Variants in ADGRV1 observed in about 807,000 individuals in gnomAD.
The protein encoded by ADGRV1 is adhesion G protein-coupled receptor V1.
In ADGRV1, 359 loss-of-function variants were observed where a neutral mutation model predicts 596.2. That is an observed-to-expected ratio of 0.60 (90% CI 0.55 to 0.66). The LOEUF is 0.66. Among genes scored for constraint, ADGRV1 ranks in the 30% least tolerant of loss-of-function variants. The probability of loss-of-function intolerance (pLI) is 0.00; values close to 1 mark genes in which losing one functional copy is unlikely to be tolerated. For missense variants in ADGRV1, 7,274 were observed against 7,575.6 expected, an observed-to-expected ratio of 0.96 and a Z score of 1.48; for synonymous variants, 2,681 against 2,679.2, an observed-to-expected ratio of 1.00 and a Z score of -0.02.
chr5:90,637,997 C>A (rs778326602), intron 11 of ADGRV1, 49 bp downstream of exon 11: 1 of 1,288,736 alleles, frequency 7.8e-7, no homozygotes, highest in Admixed American at 2.3e-5. Context: ...TTTGAGTTCT[C>A]TTCAATAACT....
rs546169400 is a variant in ADGRV1, at chr5:90,801,093, G to A, written c.14518-1646G>A. The stretch of plus-strand genomic sequence containing the variant: ...ATAATAATAAAAATAAAGAACGAAT[G>A]ATAGGCAGTATAGAAAATGGTATTG... On this transcript the variant is annotated intron_variant, in intron 70 of 89. Coordinates refer to ENST00000405460, the MANE Select transcript of ADGRV1 (RefSeq NM_032119.4). 1.8e-3 allele frequency among the ~76,000 whole-genome samples: 270 copies of A among 152,056 alleles called. 1 individual carries two copies. Among genetic ancestry groups the A allele is most frequent in the African/African-American group, 6.2e-3 (257 of 41,546 alleles).
chr5:90,858,951 T>G (rs1200278200), intron 82 of ADGRV1, among the ~76,000 whole-genome samples: 1 of 152,166 alleles, frequency 6.6e-6, no homozygotes, highest in African/African-American at 2.4e-5. Context: ...CCACCCAAAA[T>G]GTTTTCCCTT....
intron 87 of ADGRV1, among the ~76,000 whole-genome samples, chr5:91,146,876 T>C (rs1226249597): frequency 1.3e-5 from 2 of 152,148 alleles, no homozygotes; most frequent in African/African-American, 2.4e-5. Flanking sequence ...AGAAAAGAAT[T>C]TGAAGCTGGG....
At chr5:91,066,178 C>G (rs1218091206) in intron 85 of ADGRV1, among the ~76,000 whole-genome samples, 1 of 152,224 alleles carries the variant, frequency 6.6e-6, no homozygotes, top group Non-Finnish European at 1.5e-5. Context: ...TCAGCTACTT[C>G]CACAGCCCTG....
chr5:90,911,179 C>A (rs1278873323), intron 83 of ADGRV1, among the ~76,000 whole-genome samples: 1 of 152,184 alleles, frequency 6.6e-6, no homozygotes, highest in African/African-American at 2.4e-5. Context: ...GTAATTATGG[C>A]TGTAAAATCT....
At position 91,007,622 on chromosome 5, in the gene ADGRV1, T is replaced by G. The variant is rs569006915; in HGVS notation, c.18152+22100T>G. ...TTAGTATTTTGATGTACTGAAAGAC[T>G]TCCCCCTACCTTGCAGAGAGGTTGA... On this transcript the variant is annotated intron_variant, in intron 85 of 89. Coordinates refer to ENST00000405460, the MANE Select transcript of ADGRV1 (RefSeq NM_032119.4). Among the ~76,000 whole-genome samples, 3 of 152,290 alleles carry G rather than the reference T, an allele frequency of 2.0e-5. No homozygotes were observed. The East Asian group carries it at 5.8e-4, about 29-fold the overall frequency.
At chr5:90,805,094 A>T (rs990265287) in intron 71 of ADGRV1, 190 bp from the exon 72 acceptor site, 1 of 404,466 alleles carries the variant, frequency 2.5e-6, no homozygotes, top group Non-Finnish European at 4.3e-6. Flanking sequence ...GCTATCAACT[A>T]TAACCTAAAT....
rs1295926041 is a variant in ADGRV1, at chr5:90,810,789, G to A, written c.15529G>A (p.Ala5177Thr). 1.2e-6 allele frequency: 2 copies of A among 1,613,836 alleles called. No individual in the cohort carries two copies. The highest frequency in any genetic ancestry group is 2.2e-5 in the East Asian group (1 of 44,888). The change falls in exon 74 of 90, where the codon GCC becomes ACC. Residue 5177 changes from alanine (A) to threonine (T), a missense_variant. By Grantham distance (58) the Ala-to-Thr change is moderately conservative. Around this residue, in one of 5 missense-constraint regions of ADGRV1, gnomAD observed 1,874 missense variants for 1,970.2 expected, o/e 0.95. Coordinates refer to ENST00000405460, the MANE Select transcript of ADGRV1 (RefSeq NM_032119.4). ...CATTCTGCAGCCAACCAACGTGGTTGCCATTGTTACTGAGGCAACTGGTGT... is the reference window on the plus strand; with the variant it reads ...CATTCTGCAGCCAACCAACGTGGTTACCATTGTTACTGAGGCAACTGGTGT... Reference protein sequence around the residue: ...TTILQPTNVVAIVTEATGVSA... With the variant: ...TTILQPTNVVTIVTEATGVSA...
At chr5:90,657,566 A>C (rs921723532) in intron 20 of ADGRV1, among the ~76,000 whole-genome samples, 1 of 152,152 alleles carries the variant, frequency 6.6e-6, no homozygotes, top group Non-Finnish European at 1.5e-5. Context: ...ACATACATAC[A>C]TGCATACGTG....
chr5:90,915,113 A>G (rs1773230323), intron 83 of ADGRV1, among the ~76,000 whole-genome samples: 1 of 152,202 alleles, frequency 6.6e-6, no homozygotes, highest in Non-Finnish European at 1.5e-5. Flanking sequence ...AAACTTTTAA[A>G]AAATGTTCAG....
At chr5:90,862,405 C>T (rs1268700758) in intron 82 of ADGRV1, among the ~76,000 whole-genome samples, 2 of 152,122 alleles carry the variant, frequency 1.3e-5, no homozygotes, top group Admixed American at 6.6e-5. Flanking sequence ...CATACATGCA[C>T]AGGCATGCAC....
intron 17 of ADGRV1, among the ~76,000 whole-genome samples, chr5:90,650,309 G>A (rs1768403259): frequency 6.6e-6 from 1 of 152,168 alleles, no homozygotes; most frequent in Admixed American, 6.5e-5. Context: ...GCACCACTGG[G>A]ACATGTTTCA....
At position 90,658,076 on chromosome 5, in the gene ADGRV1, G is replaced by T. The variant is rs756555904; in HGVS notation, c.4550G>T (p.Arg1517Ile). Residue 1517 changes from arginine to isoleucine, a missense_variant, in exon 21 of 90, where the codon AGA (arginine) becomes ATA (isoleucine). This residue lies in a region of ADGRV1 where 3,643 missense variants were observed against 3,809.2 expected (regional missense o/e 0.96). Coordinates refer to ENST00000405460, the MANE Select transcript of ADGRV1 (RefSeq NM_032119.4). ...CCAATTTCTGGATATCTGGAGTTCAGACAGGGAGAAACTAACAAATCATTC... is the reference window on the plus strand; with the variant it reads ...CCAATTTCTGGATATCTGGAGTTCATACAGGGAGAAACTAACAAATCATTC... ...LHPISGYLEFRQGETNKSFII... is the reference protein window; with the variant it reads ...LHPISGYLEFIQGETNKSFII... 6 of 1,613,928 alleles carry T rather than the reference G, an allele frequency of 3.7e-6. No individual in the cohort carries two copies. The Admixed American group carries it at 1.0e-4, about 27-fold the overall frequency.
Position 91,089,876 on chromosome 5 carries a change from G to A in ADGRV1, c.18311-12343G>A, listed in dbSNP as rs186640264. Among the ~76,000 whole-genome samples the A allele has an allele frequency of 1.5e-3, 224 of 152,304 alleles. 2 individuals are homozygous for A. The highest frequency in any genetic ancestry group is 5.2e-3 in the African/African-American group (217 of 41,576). ...ATTTTCATTGTATTACAAAAGTTAA[G>A]TGTGTTGGAAAATTGCTGTTAGCTG... On this transcript the variant is annotated intron_variant, in intron 86 of 89. Coordinates refer to ENST00000405460, the MANE Select transcript of ADGRV1 (RefSeq NM_032119.4).
chr5:91,152,957 C>T (rs1327623822), intron 88 of ADGRV1, among the ~76,000 whole-genome samples: 1 of 152,116 alleles, frequency 6.6e-6, no homozygotes, highest in Non-Finnish European at 1.5e-5. Context: ...GTGGTTCACA[C>T]CCATAATCAC....
At chr5:90,784,779 CA>C (rs1759244104) in intron 67 of ADGRV1, among the ~76,000 whole-genome samples, 1 of 152,058 alleles carries the variant, frequency 6.6e-6, no homozygotes, top group African/African-American at 2.4e-5. Flanking sequence ...AGGACACAAA[CA>C]AATGGAAGAA....
rs1355767946 is a variant in ADGRV1, at chr5:90,711,196, T to C, written c.8916T>C (p.Asn2972=). The C allele has an allele frequency of 1.2e-6, 2 of 1,611,774 alleles. No homozygotes were observed. Among genetic ancestry groups the C allele is most frequent in the Non-Finnish European group, 1.7e-6 (2 of 1,178,904 alleles). The change falls in exon 41 of 90, where the codon AAT becomes AAC. Residue 2972 remains asparagine, a synonymous_variant. Transcript: ENST00000405460. The part of the protein sequence containing the change: ...IEWQQSRFEV[N]ETHGSLTLVA... ...TGCTATATTATAGGTTTGAAGTAAA[T>C]GAAACCCATGGAAGTTTAACATTGG... is the stretch of plus-strand genomic sequence containing the variant.
At chr5:90,985,282 A>C in intron 84 of ADGRV1, 62 bp from the exon 85 acceptor site, 29 of 1,219,784 alleles carry the variant, frequency 2.4e-5, no homozygotes, top group Non-Finnish European at 2.7e-5. Flanking sequence ...CTAAGCCAGT[A>C]GAGTTTGTGT....
chr5:90,964,802 G>A (rs112562876), intron 83 of ADGRV1, among the ~76,000 whole-genome samples: 4 of 151,562 alleles, frequency 2.6e-5, no homozygotes, highest in Non-Finnish European at 4.4e-5. Context: ...GAGAGAGAGA[G>A]TGAGAGAGAA....
Sources: allele counts gnomAD v4.1 joint callset (sites outside exome capture counted in the v4.1 genomes callset), GRCh38; gene constraint gnomAD v4.1.1; regional missense constraint gnomAD v4.1.1; transcripts MANE v1.5; gene names NCBI Gene and HGNC (gene_info 2026-07-23, HGNC 2026-07-21).